The following DGKI variants were observed in gnomAD, a reference collection of about 807,000 sequenced individuals.
The protein encoded by DGKI is diacylglycerol kinase iota.
Under a neutral mutation model 147.5 loss-of-function variants are expected in DGKI, and 55 were observed. The ratio of observed to expected loss-of-function variants is 0.37; its 90% CI spans 0.30 to 0.47. DGKI has a LOEUF of 0.47. Ranked by LOEUF, DGKI falls within the 20% of genes least tolerant of loss-of-function variation. The pLI is 1.00. For missense variants in DGKI, 1,007 were observed against 1,323.8 expected, an observed-to-expected ratio of 0.76 and a Z score of 3.71; for synonymous variants, 469 against 477.1, an observed-to-expected ratio of 0.98 and a Z score of 0.22.
At chr7:137,758,033 G>A (rs1026403967) in intron 1 of DGKI, among the ~76,000 whole-genome samples, 1 of 152,154 alleles carries the variant, frequency 6.6e-6, no homozygotes, top group African/African-American at 2.4e-5. Context: ...CTCAAGTCCT[G>A]TATCTCCTGG....
chr7:137,734,883 C>T (rs760515102), intron 1 of DGKI, among the ~76,000 whole-genome samples: 23 of 152,056 alleles, frequency 1.5e-4, no homozygotes, highest in African/African-American at 4.6e-4. Flanking sequence ...GCACAGAGTG[C>T]GTGATCAATA....
intron 1 of DGKI, among the ~76,000 whole-genome samples, chr7:137,778,462 T>G (rs1290457573): frequency 6.6e-6 from 1 of 152,104 alleles, no homozygotes; most frequent in African/African-American, 2.4e-5. Context: ...GAAAGATTAC[T>G]TAGGGGACAA....
chr7:137,492,739 C>T (rs1189108121), intron 21 of DGKI, among the ~76,000 whole-genome samples: 1 of 152,156 alleles, frequency 6.6e-6, no homozygotes, highest in Admixed American at 6.5e-5. Context: ...CCCTAGGAAA[C>T]TTTAGCCTTA....
intron 1 of DGKI, among the ~76,000 whole-genome samples, chr7:137,750,922 A>C (rs944538884): frequency 6.6e-6 from 1 of 152,202 alleles, no homozygotes; most frequent in African/African-American, 2.4e-5. Context: ...TGGAAGTCAG[A>C]AGTCCTAGGT....
intron 8 of DGKI, among the ~76,000 whole-genome samples, chr7:137,611,224 A>C (rs557007283): frequency 6.6e-6 from 1 of 152,356 alleles, no homozygotes; most frequent in Non-Finnish European, 1.5e-5. Flanking sequence ...TGATCTAAGA[A>C]GAATGCTAGA....
At chr7:137,755,265 T>C (rs10274267) in intron 1 of DGKI, among the ~76,000 whole-genome samples, 12,004 of 152,176 alleles carry the variant, frequency 0.079, 1,571 homozygotes, top group African/African-American at 0.27. Flanking sequence ...ATGATAAAGA[T>C]GTGAGGTCTT....
At chr7:137,523,466 C>CAG (rs1233444506) in intron 20 of DGKI, among the ~76,000 whole-genome samples, 1 of 151,850 alleles carries the variant, frequency 6.6e-6, no homozygotes, top group East Asian at 1.9e-4. Context: ...CACACACAGA[C>CAG]AGAGAGAGAG....
chr7:137,499,157 C>T (rs943032729), intron 21 of DGKI, among the ~76,000 whole-genome samples: 2 of 152,114 alleles, frequency 1.3e-5, no homozygotes, highest in African/African-American at 4.8e-5. Flanking sequence ...TTTAGGGATG[C>T]ATACGTTGGT....
rs1164835147 is a variant in DGKI, at chr7:137,487,614, T to C, written c.2324A>G (p.Gln775Arg). 1.9e-5 allele frequency: 30 copies of C among 1,613,638 alleles called. No individual in the cohort carries two copies. The highest frequency in any genetic ancestry group is 2.5e-5 in the Non-Finnish European group (29 of 1,179,624). ...ETCRMYIDRL[Q>R]EDLQSVSSGS... ...AAATTGGCTAAATAAACTCACCTCC[T>C]GTAGGCGGTCTATGTACATACGGCA... is the stretch of plus-strand genomic sequence containing the variant. The change falls in exon 22 of 33, where the codon CAG becomes CGG. Residue 775 changes from glutamine to arginine, a missense_variant. Physicochemically the swap from Gln to Arg is conservative, Grantham distance 43 (BLOSUM62 1). Around this residue, in one of 5 missense-constraint regions of DGKI, gnomAD observed 385 missense variants for 445.2 expected, o/e 0.86. Transcript: ENST00000614521.
chr7:137,771,002 C>G (rs1334476035), intron 1 of DGKI, among the ~76,000 whole-genome samples: 1 of 152,142 alleles, frequency 6.6e-6, no homozygotes, highest in African/African-American at 2.4e-5. Flanking sequence ...TCTGTGTAAT[C>G]GTCAGCTTCC....
chr7:137,807,507 C>T (rs77145595), intron 1 of DGKI, among the ~76,000 whole-genome samples: 2,668 of 152,290 alleles, frequency 0.018, 95 homozygotes, highest in African/African-American at 0.062. Flanking sequence ...CACAGGAGAG[C>T]GCTAAATAGG....
chr7:137,503,644 A>G (rs1816262317), intron 21 of DGKI, among the ~76,000 whole-genome samples: 1 of 152,178 alleles, frequency 6.6e-6, no homozygotes. Flanking sequence ...TCCTTGGTCA[A>G]TAACTACATT....
intron 20 of DGKI, 91 bp from the exon 21 acceptor site, chr7:137,522,057 C>T: frequency 1.1e-6 from 1 of 877,252 alleles, no homozygotes. Flanking sequence ...ATTGTCTCTT[C>T]ATGTTTAGAA....
intron 1 of DGKI, among the ~76,000 whole-genome samples, chr7:137,780,443 T>C (rs1441755461): frequency 6.6e-6 from 1 of 152,184 alleles, no homozygotes; most frequent in Non-Finnish European, 1.5e-5. Context: ...GGGAAATCTA[T>C]CATTGTAAGC....
intron 26 of DGKI, 67 bp downstream of exon 26, chr7:137,465,841 T>C (rs1050980934): frequency 6.4e-7 from 1 of 1,559,244 alleles, no homozygotes; most frequent in African/African-American, 1.4e-5. Flanking sequence ...GATGTCAAGT[T>C]CAAAGGCGAA....
At chr7:137,513,436 G>T (rs1816644891) in intron 21 of DGKI, among the ~76,000 whole-genome samples, 1 of 152,106 alleles carries the variant, frequency 6.6e-6, no homozygotes. Flanking sequence ...TTAAAAAAAA[G>T]AATCCTCCTT....
chr7:137,502,348 T>A (rs1474322491), intron 21 of DGKI, among the ~76,000 whole-genome samples: 1 of 152,154 alleles, frequency 6.6e-6, no homozygotes, highest in Non-Finnish European at 1.5e-5. Context: ...ATCAAATCCA[T>A]GTGATATTAA....
At chr7:137,496,900 T>G (rs561362574) in intron 21 of DGKI, among the ~76,000 whole-genome samples, 3 of 152,108 alleles carry the variant, frequency 2.0e-5, no homozygotes, top group Non-Finnish European at 4.4e-5. Context: ...AAAGTTTTCA[T>G]GACAAAGATA....
chr7:137,398,061 C>G (rs1392712692), intron 30 of DGKI, among the ~76,000 whole-genome samples: 2 of 152,202 alleles, frequency 1.3e-5, no homozygotes, highest in African/African-American at 4.8e-5. Context: ...CTGCTTCTCT[C>G]CCTGCCATCT....
Sources: allele counts gnomAD v4.1 joint callset (sites outside exome capture counted in the v4.1 genomes callset), GRCh38; gene constraint gnomAD v4.1.1; regional missense constraint gnomAD v4.1.1; transcripts MANE v1.5; gene names NCBI Gene and HGNC (gene_info 2026-07-23, HGNC 2026-07-21).